Variants in SYT14 observed in about 807,000 individuals in gnomAD.
SYT14 encodes synaptotagmin 14, also known as synaptotagmin-14.
A neutral mutation model predicts 74.2 loss-of-function variants in SYT14; 32 were observed. The ratio of observed to expected loss-of-function variants is 0.43; its 90% confidence interval spans 0.33 to 0.58. The LOEUF is 0.58. Ranked by LOEUF, SYT14 falls within the 20% of genes least tolerant of loss-of-function variation. SYT14 has a pLI of 0.05. For synonymous variants in SYT14, 298 were observed against 337.7 expected, an observed-to-expected ratio of 0.88 and a Z score of 1.29; for missense variants, 791 against 981.8, an observed-to-expected ratio of 0.81 and a Z score of 2.60.
At chr1:210,059,254 A>T (rs994734692) in intron 5 of SYT14, among the ~76,000 whole-genome samples, 1 of 151,750 alleles carries the variant, frequency 6.6e-6, no homozygotes, top group Non-Finnish European at 1.5e-5. Flanking sequence ...TACAATTAAA[A>T]CATAAGGATT....
chr1:210,162,889 A>T (rs2102734183), exon 10 of SYT14: 1 of 453,530 alleles, frequency 2.2e-6, no homozygotes, highest in East Asian at 6.9e-5. Context: ...CATTAAAGGG[A>T]AAAATCCATC....
At chr1:210,135,056 T>C (rs938025116) in intron 7 of SYT14, among the ~76,000 whole-genome samples, 3 of 151,954 alleles carry the variant, frequency 2.0e-5, no homozygotes, top group Non-Finnish European at 4.4e-5. Context: ...TCTCAGCTCA[T>C]TGCAACCTCC....
chr1:210,042,485 G>A (rs568615800), intron 5 of SYT14, among the ~76,000 whole-genome samples: 184 of 152,216 alleles, frequency 1.2e-3, no homozygotes, highest in African/African-American at 4.2e-3. Context: ...GAGTTTTTAT[G>A]GTTTTAGGTC....
In SYT14 at chr1:210,083,555, A is replaced by G. The variant is rs543045228; in HGVS notation, c.1313-10767A>G. On this transcript the variant is annotated intron_variant, in intron 5 of 9. Transcript: ENST00000637265. ...AGCTGCAGTTACAGGTGTGTGCCACAATGCTCAGCTAATTTTCAATTTTTT... is the reference window on the plus strand; with the variant it reads ...AGCTGCAGTTACAGGTGTGTGCCACGATGCTCAGCTAATTTTCAATTTTTT... Among the ~76,000 whole-genome samples, 296 of 151,826 alleles carry G rather than the reference A, an allele frequency of 1.9e-3. 1 individual carries two copies. The highest frequency in any genetic ancestry group is 6.7e-3 in the African/African-American group (278 of 41,328).
chr1:210,077,138 G>A (rs907507354), intron 5 of SYT14, among the ~76,000 whole-genome samples: 26 of 151,954 alleles, frequency 1.7e-4, no homozygotes, highest in African/African-American at 6.3e-4. Context: ...CATGATGCCA[G>A]CATCTTCTCG....
chr1:210,016,627 CA>C lies in SYT14; in HGVS notation c.627del (p.Lys209AsnfsTer46). 2.4e-6 allele frequency: 3 copies of C among 1,231,778 alleles called. No homozygotes were observed. Among genetic ancestry groups the C allele is most frequent in the Non-Finnish European group, 2.0e-6 (2 of 987,828 alleles). The allele number at this position is 1,231,778 out of a possible 1,614,324, so 76.3% of individuals were successfully genotyped here. On this transcript the variant is annotated frameshift_variant, in exon 4 of 10. Transcript: ENST00000637265. LOFTEE classifies it high-confidence loss of function. ...ATCAGAAGAATGCCAACGGAATAAACAAATTGTATGAGCAAAAGAAATATGT... is the reference window on the plus strand; with the variant it reads ...ATCAGAAGAATGCCAACGGAATAAACAATTGTATGAGCAAAAGAAATATGT...
intron 7 of SYT14, among the ~76,000 whole-genome samples, chr1:210,138,934 C>A (rs1415331248): frequency 6.6e-6 from 1 of 152,092 alleles, no homozygotes; most frequent in African/African-American, 2.4e-5. Context: ...TATGACTAAA[C>A]TGTTACCAAC....
chr1:210,000,466 G>GCGCACACACACACACA (rs1553264180), intron 2 of SYT14, among the ~76,000 whole-genome samples: 26 of 143,102 alleles, frequency 1.8e-4, no homozygotes, highest in African/African-American at 6.1e-4. Context: ...GTCCTCATAC[G>GCGCACACACACACACA]CACACACACA....
intron 2 of SYT14, among the ~76,000 whole-genome samples, chr1:209,991,644 A>G (rs1230710879): frequency 2.0e-5 from 3 of 152,168 alleles, no homozygotes; most frequent in Non-Finnish European, 4.4e-5. Flanking sequence ...AACCTGGCCA[A>G]TATAGTGAAA....
intron 7 of SYT14, among the ~76,000 whole-genome samples, chr1:210,153,360 T>C (rs2083206378): frequency 1.3e-5 from 2 of 152,186 alleles, no homozygotes; most frequent in Admixed American, 6.5e-5. Flanking sequence ...GATATTTTTA[T>C]TGGAATTGAA....
At chr1:210,152,232 G>C (rs2083178840) in intron 7 of SYT14, among the ~76,000 whole-genome samples, 1 of 152,126 alleles carries the variant, frequency 6.6e-6, no homozygotes, top group Non-Finnish European at 1.5e-5. Context: ...CCACTCTGTA[G>C]TCTACAGTTA....
chr1:210,121,763 T>C lies in SYT14; in HGVS notation c.2034+21302T>C, dbSNP rs188566638. Among the ~76,000 whole-genome samples the C allele has an allele frequency of 3.1e-3, 461 of 147,272 alleles. 1 individual carries two copies. The highest frequency in any genetic ancestry group is 0.014 in the South Asian group (64 of 4,674). On this transcript the variant is annotated intron_variant, in intron 7 of 9. Transcript: ENST00000637265. ...GAGCCAAGATCGCACCACTGCACTC[T>C]AGCCTGGGCGACAGAGCGAGACCCC...
intron 1 of SYT14, among the ~76,000 whole-genome samples, chr1:209,944,002 A>C (rs1381081791): frequency 6.6e-6 from 1 of 152,202 alleles, no homozygotes; most frequent in Non-Finnish European, 1.5e-5. Flanking sequence ...AATTTCTAAG[A>C]GCCACACATA....
At chr1:210,149,896 G>C (rs867072282) in intron 7 of SYT14, among the ~76,000 whole-genome samples, 1 of 152,158 alleles carries the variant, frequency 6.6e-6, no homozygotes, top group East Asian at 1.9e-4. Flanking sequence ...GAAGACCAAG[G>C]GGGAGAAAGC....
Position 210,042,634 on chromosome 1 carries a change from T to C in SYT14, c.1312+21380T>C, listed in dbSNP as rs541320071. On this transcript the variant is annotated intron_variant, in intron 5 of 9. Coordinates refer to ENST00000637265, the Ensembl canonical transcript of SYT14. ...AATAGGGAATCCTTTCCCCATTGCT[T>C]GTTTTTGTCAGGTTTGTCAAAGATC... Among the ~76,000 whole-genome samples, 47 of 152,336 alleles carry C rather than the reference T, an allele frequency of 3.1e-4. No homozygotes were observed. In the South Asian group the frequency reaches 5.0e-3, roughly 16 times the overall value.
At chr1:210,013,898 TAAACTA>T (rs1285988920) in intron 3 of SYT14, 101 bp downstream of exon 3, 1 of 1,139,720 alleles carries the variant, frequency 8.8e-7, no homozygotes, top group African/African-American at 1.6e-5. Context: ...TGACATACAA[TAAACTA>T]ATATTTGAGC....
chr1:210,095,082 C>G (rs1242200621), intron 6 of SYT14, among the ~76,000 whole-genome samples: 1 of 152,068 alleles, frequency 6.6e-6, no homozygotes, highest in Non-Finnish European at 1.5e-5. Flanking sequence ...TTCAGAGTGG[C>G]TGGTTGGTTG....
intron 5 of SYT14, among the ~76,000 whole-genome samples, chr1:210,058,291 A>G (rs1447695509): frequency 1.3e-5 from 2 of 152,204 alleles, no homozygotes; most frequent in East Asian, 3.9e-4. Flanking sequence ...CACCATATCA[A>G]ATAAGCAGGA....
At chr1:210,030,706 A>T (rs2080512565) in intron 5 of SYT14, among the ~76,000 whole-genome samples, 1 of 152,148 alleles carries the variant, frequency 6.6e-6, no homozygotes, top group South Asian at 2.1e-4. Flanking sequence ...ATTGAGTATG[A>T]TGAGGTGAGG....
Sources: gnomAD v4.1 joint callset for allele counts (sites outside exome capture counted in the v4.1 genomes callset) on GRCh38, gnomAD v4.1.1 for gene constraint, MANE v1.5 for transcripts, NCBI Gene and HGNC (gene_info 2026-07-23, HGNC 2026-07-21) for gene names.